Variants in PTPRT observed in about 807,000 individuals in gnomAD.
PTPRT encodes receptor-type tyrosine-protein phosphatase T.
In PTPRT, 56 loss-of-function variants were observed where a neutral mutation model predicts 176.8. The observed-to-expected ratio is 0.32, with a 90% CI of 0.26 to 0.40. The LOEUF (loss-of-function observed/expected upper bound fraction) is 0.40, where lower values mean the gene tolerates loss of function less well. PTPRT is among the 10% of genes least tolerant of loss of function. PTPRT has a pLI of 1.00. For synonymous variants in PTPRT, 783 were observed against 739.0 expected (o/e 1.06, Z -0.96); for missense variants, 1,540 against 1,908.2 (o/e 0.81, Z 3.60).
chr20:42,112,173 C>T (rs780654089), intron 22 of PTPRT, among the ~76,000 whole-genome samples: 2 of 152,234 alleles, frequency 1.3e-5, no homozygotes, highest in Non-Finnish European at 2.9e-5. Context: ...AGGCTGCATC[C>T]TGCTACATGA....
intron 2 of PTPRT, among the ~76,000 whole-genome samples, chr20:42,849,764 G>A (rs2078437789): frequency 6.6e-6 from 1 of 152,210 alleles, no homozygotes; most frequent in African/African-American, 2.4e-5. Context: ...GACGATGTGT[G>A]TGAATTTTCT....
At chr20:42,424,525 C>T (rs1359298729) in intron 9 of PTPRT, among the ~76,000 whole-genome samples, 1 of 152,090 alleles carries the variant, frequency 6.6e-6, no homozygotes, top group African/African-American at 2.4e-5. Flanking sequence ...CCTTAAACAG[C>T]AAGCAAAATG....
intron 1 of PTPRT, among the ~76,000 whole-genome samples, chr20:43,149,143 A>G (rs1161476094): frequency 6.6e-6 from 1 of 152,236 alleles, no homozygotes; most frequent in Non-Finnish European, 1.5e-5. Context: ...AGAATAGTAT[A>G]TAATTTTTAA....
intron 11 of PTPRT, among the ~76,000 whole-genome samples, chr20:42,348,370 T>TTTTATTTC (rs1555830101): frequency 2.7e-5 from 4 of 146,526 alleles, no homozygotes; most frequent in African/African-American, 1.0e-4. Context: ...GTGACATTTC[T>TTTTATTTC]TTTATTTATT....
intron 1 of PTPRT, among the ~76,000 whole-genome samples, chr20:43,110,063 A>C (rs185850375): frequency 1.2e-3 from 183 of 152,274 alleles, no homozygotes; most frequent in Admixed American, 2.8e-3. Flanking sequence ...AAAATTGTTT[A>C]CTTGACTCAT....
chr20:42,982,680 C>T (rs1041433293), intron 1 of PTPRT, among the ~76,000 whole-genome samples: 9 of 152,124 alleles, frequency 5.9e-5, no homozygotes, highest in Admixed American at 2.6e-4. Flanking sequence ...GGGCCAGCTC[C>T]GTCCACTCGG....
At chr20:42,789,264 A>G (rs187135642) in intron 3 of PTPRT, among the ~76,000 whole-genome samples, 16 of 152,374 alleles carry the variant, frequency 1.1e-4, no homozygotes, top group Non-Finnish European at 2.1e-4. Context: ...TATTTTGGAT[A>G]CGTTGGTTTA....
intron 8 of PTPRT, among the ~76,000 whole-genome samples, chr20:42,458,559 C>T (rs985059604): frequency 1.3e-5 from 2 of 152,192 alleles, no homozygotes; most frequent in African/African-American, 4.8e-5. Context: ...GATCCTCCCC[C>T]TGGCCCCATT....
intron 7 of PTPRT, among the ~76,000 whole-genome samples, chr20:42,530,379 C>A (rs1467492309): frequency 6.6e-6 from 1 of 152,190 alleles, no homozygotes; most frequent in Non-Finnish European, 1.5e-5. Flanking sequence ...TGGCTCCTAT[C>A]CATAAGGAGT....
chr20:42,456,096 A>G, intron 8 of PTPRT, among the ~76,000 whole-genome samples: 1 of 152,050 alleles, frequency 6.6e-6, no homozygotes, highest in East Asian at 1.9e-4. Context: ...TCAGTGTTTT[A>G]TAGATTTATA....
intron 7 of PTPRT, among the ~76,000 whole-genome samples, chr20:42,642,731 G>C (rs1210744720): frequency 2.6e-5 from 4 of 152,174 alleles, no homozygotes; most frequent in Non-Finnish European, 5.9e-5. Context: ...TTGTTGAAAT[G>C]AGTATTGCCT....
intron 6 of PTPRT, among the ~76,000 whole-genome samples, chr20:42,729,635 C>T (rs947642709): frequency 6.6e-6 from 1 of 152,188 alleles, no homozygotes; most frequent in Non-Finnish European, 1.5e-5. Context: ...GAAGACAGTA[C>T]AGGCAGAGGA....
chr20:42,528,219 C>T (rs1429321937), intron 7 of PTPRT, among the ~76,000 whole-genome samples: 4 of 151,968 alleles, frequency 2.6e-5, no homozygotes, highest in African/African-American at 4.8e-5. Flanking sequence ...TCATGCTTAC[C>T]CACCCTTCAG....
intron 7 of PTPRT, among the ~76,000 whole-genome samples, chr20:42,671,236 A>T (rs1222364979): frequency 6.6e-6 from 1 of 152,146 alleles, no homozygotes. Flanking sequence ...AACCTAATGG[A>T]CACTCTGTGT....
At chr20:42,062,208 AT>A in the PTPRT span, among the ~76,000 whole-genome samples, 2 of 152,216 alleles carry the variant, frequency 1.3e-5, no homozygotes, top group Non-Finnish European at 2.9e-5. Flanking sequence ...TATGGGCAGC[AT>A]TAAGCAGAAG....
intron 7 of PTPRT, among the ~76,000 whole-genome samples, chr20:42,536,661 A>T (rs1030432311): frequency 1.3e-5 from 2 of 152,230 alleles, no homozygotes; most frequent in African/African-American, 2.4e-5. Context: ...ACATACATAA[A>T]GTGTTTATCA....
chr20:42,048,809 GT>G, the PTPRT span, among the ~76,000 whole-genome samples: 1 of 151,886 alleles, frequency 6.6e-6, no homozygotes, highest in Non-Finnish European at 1.5e-5. Context: ...ATACTACTAA[GT>G]TTTTTTTGTT....
chr20:42,112,333 T>A (rs1014877073), intron 22 of PTPRT, among the ~76,000 whole-genome samples: 1 of 152,122 alleles, frequency 6.6e-6, no homozygotes, highest in African/African-American at 2.4e-5. Context: ...TGAAGAGAAC[T>A]GTTCTCAGCT....
intron 1 of PTPRT, among the ~76,000 whole-genome samples, chr20:42,926,869 G>C (rs1397478888): frequency 6.6e-6 from 1 of 152,200 alleles, no homozygotes; most frequent in Non-Finnish European, 1.5e-5. Flanking sequence ...TGCCACAAAT[G>C]CTGCCATCAT....
Sources: allele counts gnomAD v4.1 joint callset (sites outside exome capture counted in the v4.1 genomes callset), GRCh38; gene constraint gnomAD v4.1.1; transcripts MANE v1.5; gene names NCBI Gene and HGNC (gene_info 2026-07-23, HGNC 2026-07-21).